BUD23: variants seen among roughly 807,000 people sequenced by gnomAD.
The protein encoded by BUD23 is BUD23 rRNA methyltransferase and ribosome maturation factor, also known as 18S rRNA (guanine-N(7))-methyltransferase.
Under a neutral mutation model 47.0 loss-of-function variants are expected in BUD23, and 34 were observed. That is an observed-to-expected ratio of 0.72 (90% confidence interval 0.55 to 0.96). The LOEUF is 0.96. BUD23 is among the 40% of genes least tolerant of loss of function. The probability of loss-of-function intolerance (pLI) is 0.00; values close to 1 mark genes in which losing one functional copy is unlikely to be tolerated. For missense variants in BUD23, 343 were observed against 361.2 expected (o/e 0.95, Z 0.41); for synonymous variants, 124 against 132.0 (o/e 0.94, Z 0.41).
chr7:73,694,147 C>G, intron 10 of BUD23, 97 bp downstream of exon 10: 2 of 1,296,738 alleles, frequency 1.5e-6, no homozygotes, highest in Non-Finnish European at 1.1e-6. Flanking sequence ...CCTCTCAGGT[C>G]ACATGCAGCA....
At chr7:73,693,759 G>T in intron 9 of BUD23, 90 bp downstream of exon 9, 3 of 1,556,120 alleles carry the variant, frequency 1.9e-6, no homozygotes, top group Non-Finnish European at 1.8e-6. Context: ...GAGAACACTG[G>T]TGGGGAAGCA....
chr7:73,684,611 A>AG (rs1797869402), intron 2 of BUD23, among the ~76,000 whole-genome samples: 1 of 86,250 alleles, frequency 1.2e-5, no homozygotes, highest in Non-Finnish European at 2.5e-5. Context: ...GTTAAAAAAA[A>AG]AAAAAAGGGG....
intron 2 of BUD23, chr7:73,684,064 A>T (rs2116659494): frequency 7.7e-7 from 1 of 1,299,550 alleles, no homozygotes; most frequent in East Asian, 2.6e-5. Flanking sequence ...AATTTGTCCT[A>T]AACATGTGGT....
chr7:73,687,146 C>T lies in BUD23; in HGVS notation c.362+51C>T, dbSNP rs577902116. ...ATTTATTTAGAGACAGGGTCTCACT[C>T]TATCACTTAGGCTCTAGTGCAGTGT... On this transcript the variant is annotated intron_variant, in intron 5 of 11. Coordinates refer to ENST00000265758, the MANE Select transcript of BUD23 (RefSeq NM_017528.5). 620 of 1,581,990 alleles carry T rather than the reference C, an allele frequency of 3.9e-4. 10 individuals carry two copies. In the South Asian group the frequency reaches 6.5e-3, roughly 16 times the overall value.
intron 5 of BUD23, among the ~76,000 whole-genome samples, chr7:73,689,569 C>T (rs1425041204): frequency 2.0e-5 from 3 of 151,936 alleles, no homozygotes; most frequent in East Asian, 3.9e-4. Context: ...GGGGCTGCAC[C>T]TTGAAGGCTG....
intron 5 of BUD23, 121 bp from the exon 6 acceptor site, chr7:73,690,788 TAAGAAGG>T: frequency 1.4e-6 from 1 of 729,536 alleles, no homozygotes; most frequent in East Asian, 2.5e-5. Context: ...CTGCACTTTC[TAAGAAGG>T]GAAGCTGTGG....
In BUD23 at chr7:73,686,750, G is replaced by A. The variant is rs1452106012; in HGVS notation, c.182+19G>A. 6.2e-7 allele frequency: 1 copy of A among 1,614,026 alleles called. No individual in the cohort carries two copies. The highest frequency in any genetic ancestry group is 8.5e-7 in the Non-Finnish European group (1 of 1,180,010). On this transcript the variant is annotated intron_variant, in intron 3 of 11. Coordinates refer to ENST00000265758, the MANE Select transcript of BUD23 (RefSeq NM_017528.5). ...ATATTGGGTGAGATTCTGGGGCCTGGTTCAGATTGTCTAAGGTGGTGAAGT... is the reference window on the plus strand; with the variant it reads ...ATATTGGGTGAGATTCTGGGGCCTGATTCAGATTGTCTAAGGTGGTGAAGT...
intron 5 of BUD23, 101 bp downstream of exon 5, chr7:73,687,196 C>A: frequency 1.6e-6 from 2 of 1,231,794 alleles, no homozygotes; most frequent in Non-Finnish European, 2.3e-6. Context: ...CACACTGCAG[C>A]CTCCACCTCC....
At chr7:73,684,616 A>AG (rs1554612511) in intron 2 of BUD23, among the ~76,000 whole-genome samples, 1,475 of 57,584 alleles carry the variant, frequency 0.026, 32 homozygotes, top group African/African-American at 0.059. Flanking sequence ...AAAAAAAAAA[A>AG]AGGGGGGGGG....
At chr7:73,688,987 G>A (rs1167856577) in intron 5 of BUD23, among the ~76,000 whole-genome samples, 2 of 152,192 alleles carry the variant, frequency 1.3e-5, no homozygotes, top group African/African-American at 4.8e-5. Flanking sequence ...CAGCAGTATG[G>A]TCTGTATGTT....
intron 7 of BUD23, 30 bp from the exon 8 acceptor site, chr7:73,693,299 C>G: frequency 1.2e-6 from 2 of 1,601,690 alleles, no homozygotes; most frequent in Admixed American, 3.4e-5. Context: ...TCAACCTCCG[C>G]TGCCTGACCC....
chr7:73,685,588 T>TG (rs1554612846), intron 2 of BUD23, among the ~76,000 whole-genome samples: 1 of 152,124 alleles, frequency 6.6e-6, no homozygotes, highest in African/African-American at 2.4e-5. Context: ...GTAATTTTTT[T>TG]GTGGAGAGGG....
At position 73,698,138 on chromosome 7, in the gene BUD23, A is replaced by C; in HGVS notation, c.*252A>C. 1 of 198,824 alleles carries C rather than the reference A, an allele frequency of 5.0e-6. No homozygotes were observed. The allele number at this position is 198,824 out of a possible 1,614,324, so 12.3% of individuals were successfully genotyped here. On this transcript the variant is annotated 3_prime_UTR_variant, in exon 12 of 12. Transcript: ENST00000265758. ...TAATGAAACTTCCTTTCCAGGGAGG[A>C]AAAAAAAAAAAAAAAAAAGCTCTGA...
At position 73,697,721 on chromosome 7, in the gene BUD23, G is replaced by A. The variant is rs564752194; in HGVS notation, c.791+27G>A. The A allele has an allele frequency of 4.4e-5, 69 of 1,558,340 alleles. No individual in the cohort carries two copies. The South Asian group carries it at 7.3e-4, about 17-fold the overall frequency. On this transcript the variant is annotated intron_variant, in intron 11 of 11. Coordinates refer to ENST00000265758, the MANE Select transcript of BUD23 (RefSeq NM_017528.5). ...TGAGTGCCAGCCTGGGAGCTGGCAG[G>A]GTGGGTGGGGGGTGGATGACTATTG...
At chr7:73,694,508 C>T (rs1460873148) in intron 10 of BUD23, 1 of 154,602 alleles carries the variant, frequency 6.5e-6, no homozygotes, top group Admixed American at 6.5e-5. Context: ...AACTAACCAC[C>T]CCGTTGTTGC....
chr7:73,693,917 T>G, intron 9 of BUD23, 75 bp from the exon 10 acceptor site: 8 of 1,579,578 alleles, frequency 5.1e-6, no homozygotes, highest in Non-Finnish European at 6.9e-6. Context: ...CAGGCCTGGG[T>G]GCCTGGGCTT....
chr7:73,684,953 A>C lies in BUD23; in HGVS notation c.86+1149A>C, dbSNP rs1196397911. On this transcript the variant is annotated intron_variant, in intron 2 of 11. Transcript: ENST00000265758. ...AAAAAAAAAAAAAAAAAAAAAAAAA[A>C]AAAAAAGATACTTTGTGGTTTTTCC... Among the ~76,000 whole-genome samples, 3 of 124,272 alleles carry C rather than the reference A, an allele frequency of 2.4e-5. No homozygotes were observed. In the Admixed American group the frequency reaches 2.5e-4, roughly 11 times the overall value. 81.5% of individuals were successfully genotyped at this position (124,272 alleles called of 152,430 possible). A position where few individuals can be genotyped will look rare whatever the true frequency, so the allele number is the denominator to read the frequency against.
At chr7:73,691,100 G>A in intron 6 of BUD23, 88 bp downstream of exon 6, 1 of 1,195,052 alleles carries the variant, frequency 8.4e-7, no homozygotes. Context: ...GGTGTCCCAT[G>A]ATGGGTAAGC....
At chr7:73,694,077 G>T in intron 10 of BUD23, 27 bp downstream of exon 10, 4 of 1,592,570 alleles carry the variant, frequency 2.5e-6, no homozygotes, top group Non-Finnish European at 8.5e-7. Flanking sequence ...AGCCTGCCCC[G>T]GCTGCAGCGG....
Sources: allele counts gnomAD v4.1 joint callset (sites outside exome capture counted in the v4.1 genomes callset), GRCh38; gene constraint gnomAD v4.1.1; transcripts MANE v1.5; gene names NCBI Gene and HGNC (gene_info 2026-07-23, HGNC 2026-07-21).